MAP3K5: variants seen among roughly 807,000 people sequenced by gnomAD.
MAP3K5 encodes the protein ASK-1.
A neutral mutation model predicts 158.7 loss-of-function variants in MAP3K5; 56 were observed. The ratio of observed to expected loss-of-function variants is 0.35; its 90% confidence interval spans 0.28 to 0.44. The LOEUF is 0.44. Among genes scored for constraint, MAP3K5 ranks in the 20% least tolerant of loss-of-function variants. The pLI, the probability that MAP3K5 is intolerant of heterozygous loss-of-function variation, is 1.00. For missense variants in MAP3K5, 1,294 were observed against 1,674.8 expected (o/e 0.77, Z 3.97); for synonymous variants, 579 against 601.7 (o/e 0.96, Z 0.55).
chr6:136,731,108 C>T lies in MAP3K5; in HGVS notation c.449-10519G>A, dbSNP rs573507249. ...TCTGCAATATTAAAAGTCACAATGG[C>T]GCACGCCTTGGAGAGGATGGGCCAT... On this transcript the variant is annotated intron_variant, in intron 1 of 29. Transcript: ENST00000359015. 2.2e-4 allele frequency among the ~76,000 whole-genome samples: 33 copies of T among 152,220 alleles called. 1 individual carries two copies. Among genetic ancestry groups the T allele is most frequent in the Non-Finnish European group, 1.9e-4 (13 of 68,032 alleles).
At position 136,748,217 on chromosome 6, in the gene MAP3K5, T is replaced by G. The variant is rs1019171950; in HGVS notation, c.449-27628A>C. On this transcript the variant is annotated intron_variant, in intron 1 of 29. Coordinates refer to ENST00000359015, the MANE Select transcript of MAP3K5 (RefSeq NM_005923.4). ...ACTTTTCTGAATCAGGTGTGGATTA[T>G]CTTGGTTGACAAGCTTCTCAAATGT... Among the ~76,000 whole-genome samples, 9 of 152,328 alleles carry G rather than the reference T, an allele frequency of 5.9e-5. 1 individual carries two copies. Among genetic ancestry groups the G allele is most frequent in the Admixed American group, 5.9e-4 (9 of 15,298 alleles).
chr6:136,727,486 A>G (rs1782016817), intron 1 of MAP3K5, among the ~76,000 whole-genome samples: 1 of 152,230 alleles, frequency 6.6e-6, no homozygotes, highest in Admixed American at 6.5e-5. Flanking sequence ...TCACTGACTC[A>G]CTTCCTAAAC....
At chr6:136,582,825 A>G (rs1318204966) in intron 24 of MAP3K5, among the ~76,000 whole-genome samples, 2 of 152,342 alleles carry the variant, frequency 1.3e-5, no homozygotes, top group African/African-American at 2.4e-5. Context: ...CATCTTGTTA[A>G]GGGTCTCCTG....
At chr6:136,614,022 T>C (rs1776455101) in intron 16 of MAP3K5, 137 bp downstream of exon 16, 1 of 780,210 alleles carries the variant, frequency 1.3e-6, no homozygotes, top group South Asian at 2.3e-5. Flanking sequence ...CCTAACAAAC[T>C]GGAGGTAATG....
At chr6:136,789,578 C>T (rs1784983081) in intron 1 of MAP3K5, among the ~76,000 whole-genome samples, 1 of 151,562 alleles carries the variant, frequency 6.6e-6, no homozygotes, top group East Asian at 1.9e-4. Flanking sequence ...AAGATCTTTG[C>T]CAGCTCACTC....
intron 1 of MAP3K5, among the ~76,000 whole-genome samples, chr6:136,757,409 G>A (rs964727229): frequency 3.3e-5 from 5 of 151,992 alleles, no homozygotes; most frequent in Admixed American, 3.3e-4. Flanking sequence ...TTTCTGTGTT[G>A]GGAAGCAAGA....
At chr6:136,561,439 T>A in intron 28 of MAP3K5, 94 bp downstream of exon 28, 1 of 883,884 alleles carries the variant, frequency 1.1e-6, no homozygotes, top group Non-Finnish European at 1.9e-6. Flanking sequence ...TCTGATTTGC[T>A]CACCAGTGTA....
At chr6:136,720,668 T>C (rs1781712002) in intron 1 of MAP3K5, 79 bp from the exon 2 acceptor site, 5 of 1,071,900 alleles carry the variant, frequency 4.7e-6, no homozygotes, top group Admixed American at 2.5e-5. Context: ...TGAATTATCT[T>C]AGTATTCAAA....
At position 136,574,683 on chromosome 6, in the gene MAP3K5, C is replaced by CTTTTT. The variant is rs1223054758; in HGVS notation, c.3517+5613_3517+5617dup. Among the ~76,000 whole-genome samples the CTTTTT allele has an allele frequency of 4.2e-3, 455 of 108,530 alleles. 3 individuals are homozygous for CTTTTT. Among genetic ancestry groups the CTTTTT allele is most frequent in the East Asian group, 6.7e-3 (22 of 3,306 alleles). The allele number at this position is 108,530 out of a possible 152,430, so 71.2% of individuals were successfully genotyped here. A position where few individuals can be genotyped will look rare whatever the true frequency, so the allele number is the denominator to read the frequency against. The stretch of plus-strand genomic sequence containing the variant: ...CTCCTTTTGGAAAAAAGATTAAACA[C>CTTTTT]TTTTTTTTTTTTTTTTTTTTTTTGA... On this transcript the variant is annotated intron_variant, in intron 25 of 29. Transcript: ENST00000359015.
intron 19 of MAP3K5, 151 bp from the exon 20 acceptor site, chr6:136,602,130 G>A: frequency 3.1e-6 from 2 of 639,176 alleles, no homozygotes; most frequent in Non-Finnish European, 2.7e-6. Flanking sequence ...GATAAGATGT[G>A]TTTGCTGCAG....
At chr6:136,639,682 T>C (rs928334388) in intron 12 of MAP3K5, 44 bp from the exon 13 acceptor site, 1 of 910,026 alleles carries the variant, frequency 1.1e-6, no homozygotes, top group African/African-American at 1.7e-5. Context: ...GAACTATCAA[T>C]TCTTCTACAG....
intron 7 of MAP3K5, among the ~76,000 whole-genome samples, chr6:136,672,040 T>A (rs1011022745): frequency 6.6e-6 from 1 of 152,162 alleles, no homozygotes; most frequent in Non-Finnish European, 1.5e-5. Flanking sequence ...AGGGCATTTG[T>A]TACAAGATGA....
At chr6:136,744,643 C>T (rs1326596153) in intron 1 of MAP3K5, among the ~76,000 whole-genome samples, 3 of 151,876 alleles carry the variant, frequency 2.0e-5, no homozygotes, top group Non-Finnish European at 4.4e-5. Context: ...CTTGCACACC[C>T]CTCACCAGCA....
chr6:136,763,337 T>G (rs886105899), intron 1 of MAP3K5, among the ~76,000 whole-genome samples: 3 of 152,234 alleles, frequency 2.0e-5, no homozygotes, highest in African/African-American at 7.2e-5. Context: ...CTTCTCTACT[T>G]CAAACATCAG....
At chr6:136,736,930 A>G (rs1369252459) in intron 1 of MAP3K5, among the ~76,000 whole-genome samples, 1 of 151,640 alleles carries the variant, frequency 6.6e-6, no homozygotes, top group Non-Finnish European at 1.5e-5. Flanking sequence ...CTCCCACCTC[A>G]GCCTCCCAAA....
chr6:136,633,468 G>T (rs1777474510), intron 14 of MAP3K5, among the ~76,000 whole-genome samples: 1 of 151,642 alleles, frequency 6.6e-6, no homozygotes, highest in Non-Finnish European at 1.5e-5. Context: ...CTTAAGGAAT[G>T]AAGTCATCTT....
At chr6:136,715,215 T>A (rs1285849968) in intron 2 of MAP3K5, among the ~76,000 whole-genome samples, 2 of 152,094 alleles carry the variant, frequency 1.3e-5, no homozygotes, top group African/African-American at 4.8e-5. Context: ...AAGGGAAATA[T>A]CCAAATATCT....
chr6:136,570,180 C>T (rs1345262324), intron 25 of MAP3K5, among the ~76,000 whole-genome samples: 1 of 152,134 alleles, frequency 6.6e-6, no homozygotes, highest in Admixed American at 6.5e-5. Flanking sequence ...TCCCACCATT[C>T]GTATATGGGC....
chr6:136,668,889 A>G (rs1779347556), intron 8 of MAP3K5, among the ~76,000 whole-genome samples: 1 of 152,104 alleles, frequency 6.6e-6, no homozygotes, highest in Non-Finnish European at 1.5e-5. Context: ...AGAAACAGAT[A>G]AAGGAAACAG....
Sources: gnomAD v4.1 joint callset for allele counts (sites outside exome capture counted in the v4.1 genomes callset) on GRCh38, gnomAD v4.1.1 for gene constraint, MANE v1.5 for transcripts, NCBI Gene and HGNC (gene_info 2026-07-23, HGNC 2026-07-21) for gene names.